BRINP1: variants seen among roughly 807,000 people sequenced by gnomAD.
The protein encoded by BRINP1 is BMP/retinoic acid-inducible neural-specific protein 1.
Under a neutral mutation model 72.9 loss-of-function variants are expected in BRINP1, and 17 were observed. That is an observed-to-expected ratio of 0.23 (90% CI 0.16 to 0.35). The LOEUF (loss-of-function observed/expected upper bound fraction) is 0.35, where lower values mean the gene tolerates loss of function less well. Among genes scored for constraint, BRINP1 ranks in the 10% least tolerant of loss-of-function variants. The pLI is 1.00. For synonymous variants in BRINP1, 418 were observed against 378.5 expected (o/e 1.10, Z -1.21); for missense variants, 850 against 1,001.6 (o/e 0.85, Z 2.04).
intron 1 of BRINP1, among the ~76,000 whole-genome samples, chr9:119,363,311 A>T (rs1188828429): frequency 1.3e-5 from 2 of 152,134 alleles, no homozygotes; most frequent in African/African-American, 4.8e-5. Context: ...TATGTTTCCC[A>T]GGCTGGTCTC....
chr9:119,221,554 T>G (rs1212406129), intron 5 of BRINP1, among the ~76,000 whole-genome samples: 1 of 152,110 alleles, frequency 6.6e-6, no homozygotes, highest in Non-Finnish European at 1.5e-5. Flanking sequence ...ATTCAGAAGT[T>G]CAGCTCTGTC....
Position 119,167,408 on chromosome 9 carries a change from G to C in BRINP1, c.1962C>G (p.Asp654Glu). The change falls in exon 8 of 8, where the codon GAC (aspartate) becomes GAG (glutamate). Residue 654 changes from aspartate (D) to glutamate (E), a missense_variant. Asp to Glu is a conservative substitution (Grantham distance 45, BLOSUM62 2). Coordinates refer to ENST00000265922, the MANE Select transcript of BRINP1 (RefSeq NM_014618.3). The surrounding 1 kb of genome is among the most constrained non-coding windows in gnomAD (Gnocchi z 4.3). ...SKRQFYIKIS[D>E]VQVFGYSLRF... is the part of the protein sequence containing the mutation. ...TCAGGCTATACCCAAACACCTGCACGTCTGAGATCTTGATGTAGAACTGCC... is the reference window on the plus strand; with the variant it reads ...TCAGGCTATACCCAAACACCTGCACCTCTGAGATCTTGATGTAGAACTGCC... The C allele has an allele frequency of 6.2e-7, 1 of 1,614,032 alleles. No individual in the cohort carries two copies. Among genetic ancestry groups the C allele is most frequent in the Non-Finnish European group, 8.5e-7 (1 of 1,179,976 alleles).
chr9:119,355,456 C>T (rs138304259), intron 1 of BRINP1, among the ~76,000 whole-genome samples: 135 of 152,130 alleles, frequency 8.9e-4, no homozygotes, highest in South Asian at 2.9e-3. Context: ...CGGCCGGGCA[C>T]GGTGGCTCAC....
intron 7 of BRINP1, among the ~76,000 whole-genome samples, chr9:119,202,682 C>T (rs527763063): frequency 2.6e-5 from 4 of 152,288 alleles, no homozygotes; most frequent in Admixed American, 6.5e-5. Flanking sequence ...GTCAGCTCTC[C>T]TGCGGGCTAA....
chr9:119,354,300 TA>T (rs2119035513), intron 1 of BRINP1, among the ~76,000 whole-genome samples: 1 of 152,298 alleles, frequency 6.6e-6, no homozygotes, highest in Admixed American at 6.5e-5. Flanking sequence ...AGAGATGATT[TA>T]AAGTGTAAAC....
intron 1 of BRINP1, among the ~76,000 whole-genome samples, chr9:119,356,754 G>A (rs1489771875): frequency 4.0e-5 from 6 of 150,584 alleles, no homozygotes; most frequent in East Asian, 4.0e-4. Context: ...GCAGTAAACC[G>A]AGATCGCACC....
chr9:119,169,400 A>G (rs550174156), intron 7 of BRINP1, among the ~76,000 whole-genome samples: 20 of 152,198 alleles, frequency 1.3e-4, no homozygotes, highest in African/African-American at 4.6e-4. Flanking sequence ...TCACTCCCCC[A>G]CCGAATACTG....
chr9:119,359,560 C>T (rs1354806911), intron 1 of BRINP1, among the ~76,000 whole-genome samples: 1 of 152,180 alleles, frequency 6.6e-6, no homozygotes, highest in Non-Finnish European at 1.5e-5. Flanking sequence ...ACAGAAACAT[C>T]AGGTAATGTG....
intron 2 of BRINP1, among the ~76,000 whole-genome samples, chr9:119,266,161 T>C (rs1830546056): frequency 6.6e-6 from 1 of 152,142 alleles, no homozygotes; most frequent in African/African-American, 2.4e-5. Context: ...GGAGGTCCCA[T>C]GTTCCTCAAG....
chr9:119,189,588 CAAT>C (rs1829662611), intron 7 of BRINP1, among the ~76,000 whole-genome samples: 1 of 151,930 alleles, frequency 6.6e-6, no homozygotes. Flanking sequence ...CATTGTATAA[CAAT>C]AAAAGCATCA....
rs187288390 is a variant in BRINP1, at chr9:119,267,445, G to A, written c.219-18295C>T. 4.4e-3 allele frequency among the ~76,000 whole-genome samples: 665 copies of A among 152,102 alleles called. 2 individuals carry two copies. Among genetic ancestry groups the A allele is most frequent in the African/African-American group, 0.014 (597 of 41,476 alleles). On this transcript the variant is annotated intron_variant, in intron 2 of 7. Coordinates refer to ENST00000265922, the MANE Select transcript of BRINP1 (RefSeq NM_014618.3). ...AGGTCAGGTGTTCAAGACCAGCCTG[G>A]CCAACATGGTGAAACCCCATCTCTA...
chr9:119,256,085 A>G (rs1830445778), intron 2 of BRINP1, among the ~76,000 whole-genome samples: 1 of 151,736 alleles, frequency 6.6e-6, no homozygotes, highest in African/African-American at 2.4e-5. Context: ...GAATTGGATC[A>G]TCTTTAACCC....
intron 5 of BRINP1, among the ~76,000 whole-genome samples, chr9:119,237,871 A>G (rs1830208200): frequency 6.6e-6 from 1 of 151,768 alleles, no homozygotes; most frequent in Non-Finnish European, 1.5e-5. Flanking sequence ...CATATTGGCC[A>G]GGCTGGACTT....
chr9:119,198,538 A>T (rs1428263327), intron 7 of BRINP1, among the ~76,000 whole-genome samples: 1 of 152,144 alleles, frequency 6.6e-6, no homozygotes, highest in Non-Finnish European at 1.5e-5. Context: ...ATATGATTAC[A>T]TTCTGTTTGA....
chr9:119,213,622 C>T (rs1268665946), intron 6 of BRINP1: 5 of 561,376 alleles, frequency 8.9e-6, no homozygotes, highest in Admixed American at 3.3e-5. Context: ...CTACCTCTGA[C>T]TCTTCCCTCT....
At chr9:119,269,624 G>C (rs954204442) in intron 2 of BRINP1, among the ~76,000 whole-genome samples, 1 of 152,160 alleles carries the variant, frequency 6.6e-6, no homozygotes, top group African/African-American at 2.4e-5. Context: ...TTATGTGGTA[G>C]AGATTTTTAT....
chr9:119,260,342 G>A (rs1268389069), intron 2 of BRINP1, among the ~76,000 whole-genome samples: 1 of 152,214 alleles, frequency 6.6e-6, no homozygotes, highest in Non-Finnish European at 1.5e-5. Flanking sequence ...CAGTGGCAGA[G>A]TTGAGCAGCT....
intron 2 of BRINP1, among the ~76,000 whole-genome samples, chr9:119,285,507 C>T (rs1430685473): frequency 6.6e-6 from 1 of 152,170 alleles, no homozygotes; most frequent in African/African-American, 2.4e-5. Flanking sequence ...CCTCAAGGTC[C>T]ACATAGCTAA....
Position 119,266,428 on chromosome 9 carries a change from C to T in BRINP1, c.219-17278G>A, listed in dbSNP as rs976929465. Among the ~76,000 whole-genome samples, 8 of 152,104 alleles carry T rather than the reference C, an allele frequency of 5.3e-5. No homozygotes were observed. In the South Asian group the frequency reaches 6.2e-4, roughly 12 times the overall value. ...AATTGTAGGACAGAAAGTGACGTTA[C>T]GATTATTTAATACAATGTGGAATGC... On this transcript the variant is annotated intron_variant, in intron 2 of 7. Coordinates refer to ENST00000265922, the MANE Select transcript of BRINP1 (RefSeq NM_014618.3).
Sources: gnomAD v4.1 joint callset for allele counts (sites outside exome capture counted in the v4.1 genomes callset) on GRCh38, gnomAD v4.1.1 for gene constraint, Gnocchi (gnomAD v3.1) non-coding constraint, MANE v1.5 for transcripts, NCBI Gene and HGNC (gene_info 2026-07-23, HGNC 2026-07-21) for gene names.